DLGAP2: variants seen among roughly 807,000 people sequenced by gnomAD.
DLGAP2 encodes the protein disks large-associated protein 2.
In DLGAP2, 26 loss-of-function variants were observed where a neutral mutation model predicts 100.3. The ratio of observed to expected loss-of-function variants is 0.26; its 90% confidence interval spans 0.19 to 0.36. DLGAP2 has a LOEUF of 0.36. Among genes scored for constraint, DLGAP2 ranks in the 10% least tolerant of loss-of-function variants. DLGAP2 has a pLI of 1.00. For synonymous variants in DLGAP2, 886 were observed against 630.1 expected (o/e 1.41, Z -6.08); for missense variants, 1,858 against 1,453.2 (o/e 1.28, Z -4.53).
intron 2 of DLGAP2, among the ~76,000 whole-genome samples, chr8:1,047,422 A>G (rs1802546523): frequency 6.6e-6 from 1 of 152,176 alleles, no homozygotes; most frequent in South Asian, 2.1e-4. Flanking sequence ...CCCATATTTT[A>G]AAATCCAAAA....
At chr8:1,073,515 G>A (rs1489076918) in intron 2 of DLGAP2, among the ~76,000 whole-genome samples, 1 of 152,078 alleles carries the variant, frequency 6.6e-6, no homozygotes, top group Non-Finnish European at 1.5e-5. Flanking sequence ...AGAACAAAAC[G>A]GTTGATTCAG....
chr8:1,376,636 G>T (rs1248348920), intron 3 of DLGAP2, among the ~76,000 whole-genome samples: 2 of 152,128 alleles, frequency 1.3e-5, no homozygotes, highest in African/African-American at 2.4e-5. Flanking sequence ...CAGCTCACAG[G>T]GCTGCCAAGA....
chr8:1,372,239 AACGCTGGGACGCTGGTCACCG>A (rs1802257522), intron 3 of DLGAP2, among the ~76,000 whole-genome samples: 1 of 151,708 alleles, frequency 6.6e-6, no homozygotes, highest in Non-Finnish European at 1.5e-5. Context: ...CCGTGGTGCC[AACGCTGGGACGCTGGTCACCG>A]TGCTGCCAAC....
chr8:1,407,468 A>G (rs193101240), intron 3 of DLGAP2, among the ~76,000 whole-genome samples: 4,475 of 114,246 alleles, frequency 0.039, 299 homozygotes, highest in East Asian at 0.18. Context: ...CCACCTCCTC[A>G]TCCTCCAGGG....
chr8:1,088,955 G>A, intron 2 of DLGAP2, among the ~76,000 whole-genome samples: 1 of 117,594 alleles, frequency 8.5e-6, no homozygotes, highest in Non-Finnish European at 1.7e-5. Flanking sequence ...TCGCTCCCCG[G>A]CCTCACTCTC....
At chr8:776,382 C>A (rs997207512) in intron 1 of DLGAP2, among the ~76,000 whole-genome samples, 6 of 151,822 alleles carry the variant, frequency 4.0e-5, no homozygotes, top group African/African-American at 7.3e-5. Flanking sequence ...TTATTTCTTG[C>A]CTTCTGCTAG....
intron 1 of DLGAP2, among the ~76,000 whole-genome samples, chr8:799,350 G>A (rs35565671): frequency 0.13 from 19,868 of 151,988 alleles, 1,882 homozygotes; most frequent in East Asian, 0.52. Flanking sequence ...GGAGTGTGGC[G>A]GGAGGGGGTT....
chr8:1,663,559 A>C (rs1421657869), intron 8 of DLGAP2, among the ~76,000 whole-genome samples: 2 of 152,132 alleles, frequency 1.3e-5, no homozygotes, highest in East Asian at 3.9e-4. Flanking sequence ...ATAGAACCAG[A>C]AAGAAGTGTG....
intron 2 of DLGAP2, among the ~76,000 whole-genome samples, chr8:1,110,983 C>T (rs1012025148): frequency 3.3e-5 from 5 of 151,984 alleles, no homozygotes; most frequent in Non-Finnish European, 7.4e-5. Flanking sequence ...ATCTGCCAGC[C>T]GAAGGTCACA....
At chr8:1,281,079 T>C (rs1401139703) in intron 3 of DLGAP2, among the ~76,000 whole-genome samples, 1 of 152,222 alleles carries the variant, frequency 6.6e-6, no homozygotes, top group East Asian at 1.9e-4. Flanking sequence ...CAGAGAATGC[T>C]GTAGGTTTCA....
chr8:1,648,487 A>G (rs1011161186), intron 8 of DLGAP2, among the ~76,000 whole-genome samples: 1 of 152,090 alleles, frequency 6.6e-6, no homozygotes, highest in African/African-American at 2.4e-5. Flanking sequence ...CCAAGGCAAT[A>G]CCAAAACCAG....
At chr8:919,435 A>G (rs1318050939) in intron 2 of DLGAP2, among the ~76,000 whole-genome samples, 1 of 152,080 alleles carries the variant, frequency 6.6e-6, no homozygotes, top group Non-Finnish European at 1.5e-5. Context: ...AAGCTGGTGG[A>G]GTCTGTGAGT....
intron 2 of DLGAP2, among the ~76,000 whole-genome samples, chr8:950,724 C>G (rs1241230207): frequency 1.3e-5 from 2 of 150,752 alleles, no homozygotes; most frequent in Non-Finnish European, 2.9e-5. Flanking sequence ...CGGGTTCAAG[C>G]ATTTCTCCTG....
intron 2 of DLGAP2, among the ~76,000 whole-genome samples, chr8:978,883 A>C (rs2129013869): frequency 6.6e-6 from 1 of 152,346 alleles, no homozygotes; most frequent in African/African-American, 2.4e-5. Context: ...AAATACTCAT[A>C]GCCAAAAATG....
At position 1,704,128 on chromosome 8, in the gene DLGAP2, C is replaced by T. The variant is rs1313494826; in HGVS notation, c.*2722C>T. On this transcript the variant is annotated 3_prime_UTR_variant, in exon 15 of 15. Transcript: ENST00000637795. ...ATGATACTTGTGTTAGTCACTCGAG[C>T]TAGCTTATTTCAGCCACTTCTAGCA... 1 of 152,642 alleles carries T rather than the reference C, an allele frequency of 6.6e-6. No homozygotes were observed. Among genetic ancestry groups the T allele is most frequent in the Middle Eastern group, 3.2e-3 (1 of 316 alleles). 9.5% of individuals were successfully genotyped at this position (152,642 alleles called of 1,614,324 possible). A position where few individuals can be genotyped will look rare whatever the true frequency, so the allele number is the denominator to read the frequency against.
At chr8:1,630,897 G>A (rs1328317766) in intron 7 of DLGAP2, among the ~76,000 whole-genome samples, 1 of 139,228 alleles carries the variant, frequency 7.2e-6, no homozygotes, top group African/African-American at 3.3e-5. Flanking sequence ...GGAGGTCCGG[G>A]TGTCCCGAGG....
chr8:1,538,751 C>T (rs1010435063), intron 4 of DLGAP2, among the ~76,000 whole-genome samples: 7 of 152,152 alleles, frequency 4.6e-5, no homozygotes, highest in Admixed American at 2.6e-4. Context: ...CAGCCCTCCC[C>T]GCAGCGTGGC....
chr8:1,165,705 G>T (rs954468366), intron 2 of DLGAP2, among the ~76,000 whole-genome samples: 7 of 152,032 alleles, frequency 4.6e-5, no homozygotes, highest in African/African-American at 1.7e-4. Flanking sequence ...AGTTTGCTGT[G>T]CAGGTGTTAC....
At chr8:1,485,619 G>A (rs531761201) in intron 3 of DLGAP2, among the ~76,000 whole-genome samples, 1 of 152,354 alleles carries the variant, frequency 6.6e-6, no homozygotes, top group African/African-American at 2.4e-5. Flanking sequence ...GAACGCTTCA[G>A]TTCCCCCTCC....
Sources: allele counts gnomAD v4.1 joint callset (sites outside exome capture counted in the v4.1 genomes callset), GRCh38; gene constraint gnomAD v4.1.1; transcripts MANE v1.5; gene names NCBI Gene and HGNC (gene_info 2026-07-23, HGNC 2026-07-21).